RNF144B: variants seen among roughly 807,000 people sequenced by gnomAD.
The protein encoded by RNF144B is ring finger protein 144B, also known as E3 ubiquitin-protein ligase RNF144B.
RNF144B carries 25 observed loss-of-function variants against 40.2 expected under a neutral mutation model. That is an observed-to-expected ratio of 0.62 (90% confidence interval 0.45 to 0.87). RNF144B has a LOEUF of 0.87. Among genes scored for constraint, RNF144B ranks in the 40% least tolerant of loss-of-function variants. The pLI is 0.00. For synonymous variants in RNF144B, 145 were observed against 136.3 expected, an observed-to-expected ratio of 1.06 and a Z score of -0.44; for missense variants, 365 against 373.7, an observed-to-expected ratio of 0.98 and a Z score of 0.19.
rs1354021984 is a variant in RNF144B at position 18,456,039 on chromosome 6, C to T, written c.332-1116C>T. Among the ~76,000 whole-genome samples, 2 of 152,136 alleles carry T rather than the reference C, an allele frequency of 1.3e-5. No homozygotes were observed. The highest frequency in any genetic ancestry group is 2.9e-5 in the Non-Finnish European group (2 of 68,026). On this transcript the variant is annotated intron_variant, in intron 4 of 7. Transcript: ENST00000259939. This position sits in a 1 kb window ranked among gnomAD's most constrained non-coding sequence, Gnocchi z 4.7. The stretch of plus-strand genomic sequence containing the variant: ...CCGGGTTCACGCCATTCTCCTGCCT[C>T]AGCCTGCCAAGTAGCTGGGACTACA...
chr6:18,389,627 T>C (rs1342639620), intron 1 of RNF144B, among the ~76,000 whole-genome samples: 2 of 152,192 alleles, frequency 1.3e-5, no homozygotes, highest in African/African-American at 4.8e-5. Context: ...TTTTAGTGTT[T>C]GAAATCTCCA....
intron 2 of RNF144B, among the ~76,000 whole-genome samples, chr6:18,417,428 A>AT (rs1214344895): frequency 1.3e-5 from 2 of 152,132 alleles, no homozygotes; most frequent in Non-Finnish European, 2.9e-5. Context: ...AATAAATCTT[A>AT]TTTTTTGTCA....
chr6:18,441,922 C>T lies in RNF144B; in HGVS notation c.331+2178C>T, dbSNP rs989256293. Among the ~76,000 whole-genome samples, 6 of 152,196 alleles carry T rather than the reference C, an allele frequency of 3.9e-5. No homozygotes were observed. The highest frequency in any genetic ancestry group is 7.2e-5 in the African/African-American group (3 of 41,444). ...CAATAAAAATAACTTAAAAGTAGCA[C>T]GTTTTAAATTAAATTATTCTCAATG... is the stretch of plus-strand genomic sequence containing the variant. On this transcript the variant is annotated intron_variant, in intron 4 of 7. Coordinates refer to ENST00000259939, the MANE Select transcript of RNF144B (RefSeq NM_182757.4). This position sits in a 1 kb window ranked among gnomAD's most constrained non-coding sequence, Gnocchi z 4.9.
intron 1 of RNF144B, among the ~76,000 whole-genome samples, chr6:18,394,952 T>C (rs142715060): frequency 6.6e-6 from 1 of 152,272 alleles, no homozygotes; most frequent in East Asian, 1.9e-4. Flanking sequence ...ATCTGTCTTG[T>C]TCTATGATTA....
At chr6:18,424,134 C>T (rs1285896401) in intron 2 of RNF144B, among the ~76,000 whole-genome samples, 1 of 152,058 alleles carries the variant, frequency 6.6e-6, no homozygotes, top group Non-Finnish European at 1.5e-5. Flanking sequence ...TAACCATTTA[C>T]CTGTGTTTTG....
In RNF144B at chr6:18,419,059, A is replaced by G. The variant is rs564002381; in HGVS notation, c.166-8522A>G. Among the ~76,000 whole-genome samples the G allele has an allele frequency of 9.2e-5, 14 of 152,300 alleles. No individual in the cohort carries two copies. Among genetic ancestry groups the G allele is most frequent in the Admixed American group, 6.5e-4 (10 of 15,296 alleles). ...GGCAAAACCTCAGACCCCACCCAAG[A>G]TCCACTGAATCAGAATCTGCATTTT... On this transcript the variant is annotated intron_variant, in intron 2 of 7. Transcript: ENST00000259939. This position sits in a 1 kb window ranked among gnomAD's most constrained non-coding sequence, Gnocchi z 4.6.
intron 3 of RNF144B, among the ~76,000 whole-genome samples, chr6:18,430,920 A>G (rs1367186800): frequency 6.6e-6 from 1 of 152,060 alleles, no homozygotes; most frequent in Admixed American, 6.5e-5. Flanking sequence ...GTGCATTAAA[A>G]CCAGACAAAC....
Position 18,424,279 on chromosome 6 carries a change from G to A in RNF144B, c.166-3302G>A, listed in dbSNP as rs138292851. 1.7e-3 allele frequency among the ~76,000 whole-genome samples: 266 copies of A among 152,224 alleles called. 3 individuals carry two copies. Among genetic ancestry groups the A allele is most frequent in the African/African-American group, 5.7e-3 (238 of 41,532 alleles). On this transcript the variant is annotated intron_variant, in intron 2 of 7. Coordinates refer to ENST00000259939, the MANE Select transcript of RNF144B (RefSeq NM_182757.4). ...TAATGGGCAGCATATAACAAGCCTG[G>A]GGTACTTGAAAATTCAGTAAAAAGC... is the stretch of plus-strand genomic sequence containing the variant.
rs1448499932 is a variant in RNF144B, at chr6:18,425,022, A to C, written c.166-2559A>C. Reference sequence around the variant, plus strand: ...ATTTGCAAATTCATGAAGGGCTTCCATATATAAATTTCACGTGTATGTGTG... The same window carrying C: ...ATTTGCAAATTCATGAAGGGCTTCCCTATATAAATTTCACGTGTATGTGTG... On this transcript the variant is annotated intron_variant, in intron 2 of 7. Transcript: ENST00000259939. This position sits in a 1 kb window ranked among gnomAD's most constrained non-coding sequence, Gnocchi z 4.2. Among the ~76,000 whole-genome samples, 5 of 151,940 alleles carry C rather than the reference A, an allele frequency of 3.3e-5. No individual in the cohort carries two copies.
rs535653544 is a variant in RNF144B, at chr6:18,444,094, G to C, written c.331+4350G>C. ...TAGCTTGTTGTTCAGTGTGTGAATT[G>C]TCCTCTGCTTTGTGTTACGTATTTG... On this transcript the variant is annotated intron_variant, in intron 4 of 7. Coordinates refer to ENST00000259939, the MANE Select transcript of RNF144B (RefSeq NM_182757.4). This position sits in a 1 kb window ranked among gnomAD's most constrained non-coding sequence, Gnocchi z 4.3. 6.6e-6 allele frequency among the ~76,000 whole-genome samples: 1 copy of C among 152,252 alleles called. No individual in the cohort carries two copies. The highest frequency in any genetic ancestry group is 1.9e-4 in the East Asian group (1 of 5,188).
At chr6:18,390,727 G>A (rs1289989823) in intron 1 of RNF144B, among the ~76,000 whole-genome samples, 1 of 152,138 alleles carries the variant, frequency 6.6e-6, no homozygotes, top group Non-Finnish European at 1.5e-5. Context: ...TTGAACTTGT[G>A]GCTGAAACCA....
At chr6:18,403,030 T>C (rs538593585) in intron 2 of RNF144B, among the ~76,000 whole-genome samples, 1 of 152,356 alleles carries the variant, frequency 6.6e-6, no homozygotes, top group South Asian at 2.1e-4. Flanking sequence ...GCATAATTAC[T>C]TGTTCTATTT....
Position 18,442,044 on chromosome 6 carries a change from C to G in RNF144B, c.331+2300C>G, listed in dbSNP as rs1259477502. On this transcript the variant is annotated intron_variant, in intron 4 of 7. Coordinates refer to ENST00000259939, the MANE Select transcript of RNF144B (RefSeq NM_182757.4). This position sits in a 1 kb window ranked among gnomAD's most constrained non-coding sequence, Gnocchi z 4.3. ...TAGATATTATTGATTGTCTTGTTGT[C>G]AGTGGGATTAGAACACTTGAAGTTA... Among the ~76,000 whole-genome samples, 1 of 152,136 alleles carries G rather than the reference C, an allele frequency of 6.6e-6. No homozygotes were observed. Among genetic ancestry groups the G allele is most frequent in the African/African-American group, 2.4e-5 (1 of 41,424 alleles).
At chr6:18,431,976 A>T (rs1015718067) in intron 3 of RNF144B, among the ~76,000 whole-genome samples, 3 of 152,176 alleles carry the variant, frequency 2.0e-5, no homozygotes, top group East Asian at 3.9e-4. Context: ...CTCAGTGTCC[A>T]TGGGTTCTGC....
chr6:18,440,084 TTC>T (rs1758925308), intron 4 of RNF144B, among the ~76,000 whole-genome samples: 1 of 152,170 alleles, frequency 6.6e-6, no homozygotes, highest in African/African-American at 2.4e-5. Flanking sequence ...TAATTTTCGA[TTC>T]TTGAAGATCA....
At chr6:18,396,904 A>C (rs1287750071) in intron 1 of RNF144B, 2 of 749,428 alleles carry the variant, frequency 2.7e-6, no homozygotes, top group African/African-American at 3.8e-5. Flanking sequence ...TTTGACGTGC[A>C]GGTCTATTTG....
At chr6:18,455,728 AAG>A (rs903898119) in intron 4 of RNF144B, among the ~76,000 whole-genome samples, 1 of 152,172 alleles carries the variant, frequency 6.6e-6, no homozygotes, top group African/African-American at 2.4e-5. Context: ...CTGAATAAAA[AAG>A]AGATACCAAG....
At chr6:18,396,552 G>A (rs981347328) in intron 1 of RNF144B, 5 of 985,312 alleles carry the variant, frequency 5.1e-6, no homozygotes, top group East Asian at 2.3e-4. Context: ...GACATTTGGG[G>A]TGTGGGATGG....
intron 1 of RNF144B, chr6:18,396,963 C>A (rs866502930): frequency 1.5e-5 from 4 of 270,232 alleles, no homozygotes; most frequent in South Asian, 2.8e-4. Context: ...AATGGAATAA[C>A]GCTGTGTCTT....
Sources: gnomAD v4.1 joint callset for allele counts (sites outside exome capture counted in the v4.1 genomes callset) on GRCh38, gnomAD v4.1.1 for gene constraint, Gnocchi (gnomAD v3.1) non-coding constraint, MANE v1.5 for transcripts, NCBI Gene and HGNC (gene_info 2026-07-23, HGNC 2026-07-21) for gene names.